The following NAV3 variants were observed in gnomAD, a reference collection of about 807,000 sequenced individuals.
NAV3 encodes the protein neuron navigator 3.
NAV3 carries 87 observed loss-of-function variants against 244.7 expected under a neutral mutation model. The ratio of observed to expected loss-of-function variants is 0.36; its 90% CI spans 0.30 to 0.42. The LOEUF (loss-of-function observed/expected upper bound fraction) is 0.42, where lower values mean the gene tolerates loss of function less well. NAV3 is among the 20% of genes least tolerant of loss of function. The probability of loss-of-function intolerance (pLI) is 1.00; values close to 1 mark genes in which losing one functional copy is unlikely to be tolerated. For missense variants in NAV3, 2,663 were observed against 2,893.3 expected, an observed-to-expected ratio of 0.92 and a Z score of 1.83; for synonymous variants, 1,126 against 1,042.2, an observed-to-expected ratio of 1.08 and a Z score of -1.55.
chr12:78,152,598 AT>A (rs1489054026), intron 22 of NAV3, among the ~76,000 whole-genome samples: 2 of 151,782 alleles, frequency 1.3e-5, no homozygotes, highest in Non-Finnish European at 2.9e-5. Context: ...TTAATACTTG[AT>A]TTTTCCTCAG....
chr12:77,845,717 G>C (rs922593929), intron 1 of NAV3, among the ~76,000 whole-genome samples: 1 of 144,982 alleles, frequency 6.9e-6, no homozygotes, highest in Non-Finnish European at 1.5e-5. Flanking sequence ...GCAATGTCAC[G>C]ATCTTGGCTC....
At chr12:77,680,577 G>A (rs963417957) in intron 2 of NAV3, among the ~76,000 whole-genome samples, 1 of 152,192 alleles carries the variant, frequency 6.6e-6, no homozygotes, top group African/African-American at 2.4e-5. Context: ...TTCACAATAA[G>A]AAAGATGGTA....
intron 3 of NAV3, among the ~76,000 whole-genome samples, chr12:77,949,948 T>G (rs1368245067): frequency 1.3e-5 from 2 of 152,106 alleles, no homozygotes; most frequent in Non-Finnish European, 2.9e-5. Context: ...TTCTTTCACT[T>G]AGTAATATGG....
intron 12 of NAV3, among the ~76,000 whole-genome samples, chr12:78,085,890 T>C (rs1001185914): frequency 6.6e-6 from 1 of 152,112 alleles, no homozygotes; most frequent in African/African-American, 2.4e-5. Context: ...CAATTGATGA[T>C]CTACAACTAA....
chr12:78,028,072 A>G (rs1251924394), intron 9 of NAV3, among the ~76,000 whole-genome samples: 1 of 152,152 alleles, frequency 6.6e-6, no homozygotes, highest in African/African-American at 2.4e-5. Context: ...AATGACCACC[A>G]TATATGACCT....
intron 2 of NAV3, among the ~76,000 whole-genome samples, chr12:77,617,795 C>T (rs1458306901): frequency 6.6e-6 from 1 of 152,164 alleles, no homozygotes; most frequent in African/African-American, 2.4e-5. Context: ...TCCTTCAGAC[C>T]AGCTGGTGTC....
intron 24 of NAV3, among the ~76,000 whole-genome samples, chr12:78,174,596 T>C (rs561393554): frequency 3.9e-5 from 6 of 151,926 alleles, no homozygotes; most frequent in East Asian, 1.9e-4. Flanking sequence ...TTATTTGTTA[T>C]TGGTATTACT....
At chr12:77,678,212 A>G (rs1259377714) in intron 2 of NAV3, among the ~76,000 whole-genome samples, 4 of 152,190 alleles carry the variant, frequency 2.6e-5, no homozygotes, top group Non-Finnish European at 5.9e-5. Context: ...AGCAATATAT[A>G]TAATACAGTA....
intron 2 of NAV3, among the ~76,000 whole-genome samples, chr12:77,732,606 G>T (rs1189252344): frequency 1.3e-5 from 2 of 151,960 alleles, no homozygotes; most frequent in African/African-American, 4.8e-5. Context: ...AATATGGATT[G>T]TCTCACCTGA....
intron 2 of NAV3, among the ~76,000 whole-genome samples, chr12:77,672,884 A>C (rs1177337290): frequency 1.3e-5 from 2 of 152,154 alleles, no homozygotes; most frequent in African/African-American, 4.8e-5. Context: ...TTGATTTTAA[A>C]ACTATATGAC....
At chr12:77,690,309 C>A (rs960665550) in intron 2 of NAV3, among the ~76,000 whole-genome samples, 7 of 151,858 alleles carry the variant, frequency 4.6e-5, no homozygotes, top group Admixed American at 2.0e-4. Context: ...AAATGAGAGA[C>A]TCCAAAGGAT....
At chr12:77,810,049 A>T (rs1359700634) in intron 2 of NAV3, among the ~76,000 whole-genome samples, 1 of 152,230 alleles carries the variant, frequency 6.6e-6, no homozygotes. Flanking sequence ...TATTCAAACT[A>T]TTCTTTTGTT....
chr12:77,717,741 A>G (rs1876425867), intron 2 of NAV3, among the ~76,000 whole-genome samples: 1 of 151,988 alleles, frequency 6.6e-6, no homozygotes, highest in Non-Finnish European at 1.5e-5. Flanking sequence ...TCAATTTTCT[A>G]CATCCTTACC....
At chr12:77,875,624 A>G (rs1257120231) in intron 1 of NAV3, among the ~76,000 whole-genome samples, 1 of 151,792 alleles carries the variant, frequency 6.6e-6, no homozygotes, top group African/African-American at 2.4e-5. Context: ...GAGGAAAACA[A>G]TTATAATTTG....
intron 8 of NAV3, among the ~76,000 whole-genome samples, chr12:78,018,008 A>G (rs1337647545): frequency 1.3e-5 from 2 of 152,184 alleles, no homozygotes. Context: ...CCATGTGAAT[A>G]TAAAGCAAGG....
intron 23 of NAV3, among the ~76,000 whole-genome samples, chr12:78,164,684 G>A (rs185041290): frequency 2.6e-5 from 4 of 152,162 alleles, no homozygotes; most frequent in Admixed American, 2.6e-4. Context: ...GGGATGGCCA[G>A]GTTATTTCAG....
chr12:77,680,559 T>C (rs1016554960), intron 2 of NAV3, among the ~76,000 whole-genome samples: 9 of 152,200 alleles, frequency 5.9e-5, no homozygotes, highest in Non-Finnish European at 5.9e-5. Flanking sequence ...CAGTCGCCAA[T>C]GTTAGCATTC....
At chr12:78,053,080 G>T (rs533163063) in intron 11 of NAV3, among the ~76,000 whole-genome samples, 1 of 151,980 alleles carries the variant, frequency 6.6e-6, no homozygotes, top group South Asian at 2.1e-4. Context: ...AGGCATGGTG[G>T]CTTGTGCCTG....
At chr12:77,690,543 A>G (rs1448028441) in intron 2 of NAV3, among the ~76,000 whole-genome samples, 1 of 151,444 alleles carries the variant, frequency 6.6e-6, no homozygotes, top group Admixed American at 6.6e-5. Context: ...AGGCATATTT[A>G]TCCCATCTCT....
Sources: allele counts gnomAD v4.1 joint callset (sites outside exome capture counted in the v4.1 genomes callset), GRCh38; gene constraint gnomAD v4.1.1; transcripts MANE v1.5; gene names NCBI Gene and HGNC (gene_info 2026-07-23, HGNC 2026-07-21).